XRCC4: variants seen among roughly 807,000 people sequenced by gnomAD.
XRCC4 encodes the protein DNA repair protein XRCC4.
XRCC4 carries 28 observed loss-of-function variants against 39.1 expected under a neutral mutation model. The ratio of observed to expected loss-of-function variants is 0.72; its 90% CI spans 0.53 to 0.98. The LOEUF (loss-of-function observed/expected upper bound fraction) is 0.98. XRCC4 is among the 50% of genes least tolerant of loss of function. XRCC4 has a pLI of 0.00. For missense variants in XRCC4, 350 were observed against 376.4 expected, an observed-to-expected ratio of 0.93 and a Z score of 0.58; for synonymous variants, 123 against 126.4, an observed-to-expected ratio of 0.97 and a Z score of 0.18.
intron 6 of XRCC4, among the ~76,000 whole-genome samples, chr5:83,253,388 AT>A (rs377166052): frequency 7.6e-4 from 111 of 146,618 alleles, no homozygotes; most frequent in Non-Finnish European, 6.2e-4. Context: ...AACAGTACAC[AT>A]TTTTTTTTTT....
rs200981747 is a variant in XRCC4, at chr5:83,082,602, C to T, written c.-11+4987C>T. On this transcript the variant is annotated intron_variant, in intron 1 of 7. Coordinates refer to ENST00000396027, the MANE Select transcript of XRCC4 (RefSeq NM_003401.5). Reference sequence around the variant, plus strand: ...TTGATTCATAGTAGAAGCTAACAGCCTTACGTTGGCCTACAATAGTCTACA... The same window carrying T: ...TTGATTCATAGTAGAAGCTAACAGCTTTACGTTGGCCTACAATAGTCTACA... Among the ~76,000 whole-genome samples the T allele has an allele frequency of 8.4e-3, 1,276 of 152,256 alleles. 23 individuals carry two copies. Among genetic ancestry groups the T allele is most frequent in the African/African-American group, 0.029 (1,223 of 41,552 alleles).
intron 3 of XRCC4, among the ~76,000 whole-genome samples, chr5:83,160,851 A>T (rs10051155): frequency 0.33 from 49,985 of 151,658 alleles, 9,025 homozygotes; most frequent in Non-Finnish European, 0.41. Context: ...CTTAAGGAAG[A>T]GACCAAATTT....
rs988151846 is a variant in XRCC4 at position 83,136,595 on chromosome 5, C to G, written c.315+25392C>G. 4.6e-5 allele frequency among the ~76,000 whole-genome samples: 7 copies of G among 152,124 alleles called. No homozygotes were observed. In the East Asian group the frequency reaches 1.2e-3, roughly 25 times the overall value. ...TTTAAAATTAATTAAAGATAAAACA[C>G]TTAAGGTGAACCTCAGCCTTTTAAA... On this transcript the variant is annotated intron_variant, in intron 3 of 7. Coordinates refer to ENST00000396027, the MANE Select transcript of XRCC4 (RefSeq NM_003401.5).
In XRCC4 at chr5:83,203,817, G is replaced by T. The variant is rs1751311577; in HGVS notation, c.638+110G>T. 4 of 1,338,144 alleles carry T rather than the reference G, an allele frequency of 3.0e-6. No individual in the cohort carries two copies. The Admixed American group carries it at 6.7e-5, about 23-fold the overall frequency. 82.9% of individuals were successfully genotyped at this position (1,338,144 alleles called of 1,614,324 possible). The stretch of plus-strand genomic sequence containing the variant: ...ACTTTTTGATCATATGAGATAATTT[G>T]GTAGTCTGGATGTGGATGTTCAGGC... On this transcript the variant is annotated intron_variant, in intron 5 of 7. Transcript: ENST00000396027.
chr5:83,356,698 GT>G, downstream of XRCC4: 1 of 454,186 alleles, frequency 2.2e-6, no homozygotes, highest in South Asian at 1.6e-5. Flanking sequence ...TCCATACCAC[GT>G]TTTCTCCTCA....
rs1257469066 is a variant in XRCC4 at position 83,196,016 on chromosome 5, A to C, written c.482+80A>C. On this transcript the variant is annotated intron_variant, in intron 4 of 7. Transcript: ENST00000396027. ...ATAGCTTTAAGTTAATGATTGGTAA[A>C]TTTCCAATATATGTGGATTAGCACA... The C allele has an allele frequency of 9.4e-6, 13 of 1,383,248 alleles. No individual in the cohort carries two copies. The East Asian group carries it at 2.3e-4, about 25-fold the overall frequency. 85.7% of individuals were successfully genotyped at this position (1,383,248 alleles called of 1,614,324 possible). A position where few individuals can be genotyped will look rare whatever the true frequency, so the allele number is the denominator to read the frequency against.
chr5:83,148,748 G>T, intron 3 of XRCC4, among the ~76,000 whole-genome samples: 1 of 152,040 alleles, frequency 6.6e-6, no homozygotes, highest in East Asian at 1.9e-4. Flanking sequence ...TTTGTGAGGG[G>T]TGAAGGTATC....
At chr5:83,113,643 C>T (rs1296303522) in intron 3 of XRCC4, among the ~76,000 whole-genome samples, 42 of 149,748 alleles carry the variant, frequency 2.8e-4, no homozygotes, top group African/African-American at 1.7e-4. Flanking sequence ...TTTTTTGAGA[C>T]GGAGTCTCGC....
chr5:83,336,785 G>A (rs115028039), intron 7 of XRCC4, among the ~76,000 whole-genome samples: 2,863 of 152,138 alleles, frequency 0.019, 87 homozygotes, highest in African/African-American at 0.065. Flanking sequence ...GGTTTGAAAC[G>A]CCATTCATTT....
At chr5:83,320,098 A>G (rs1756003964) in intron 7 of XRCC4, among the ~76,000 whole-genome samples, 1 of 146,288 alleles carries the variant, frequency 6.8e-6, no homozygotes, top group Non-Finnish European at 1.5e-5. Context: ...TCAGTAAACT[A>G]TCGCAAGAAC....
At chr5:83,126,268 A>T (rs12188673) in intron 3 of XRCC4, among the ~76,000 whole-genome samples, 52,645 of 151,652 alleles carry the variant, frequency 0.35, 9,818 homozygotes, top group Non-Finnish European at 0.42. Flanking sequence ...TCTTTTTGGC[A>T]CTGTTATAAG....
the XRCC4 span, among the ~76,000 whole-genome samples, chr5:83,365,759 A>G: frequency 6.6e-6 from 1 of 152,232 alleles, no homozygotes. Context: ...AAATATGAGC[A>G]GAGTAAAACT....
intron 3 of XRCC4, among the ~76,000 whole-genome samples, chr5:83,190,583 A>G (rs1750649643): frequency 6.6e-6 from 1 of 152,196 alleles, no homozygotes; most frequent in East Asian, 1.9e-4. Context: ...GTCTACTTTG[A>G]TAATATATTG....
chr5:83,080,475 G>T (rs563839458), intron 1 of XRCC4, among the ~76,000 whole-genome samples: 8 of 151,162 alleles, frequency 5.3e-5, no homozygotes, highest in Non-Finnish European at 1.2e-4. Context: ...GCAGTGAGCC[G>T]AGATTGTGCC....
chr5:83,082,329 A>G (rs147809943), intron 1 of XRCC4, among the ~76,000 whole-genome samples: 4 of 152,342 alleles, frequency 2.6e-5, no homozygotes, highest in African/African-American at 7.2e-5. Flanking sequence ...GAGGTTATTA[A>G]TGGAAAAACT....
intron 6 of XRCC4, among the ~76,000 whole-genome samples, chr5:83,251,522 TCAAAAAAAAAAAA>T (rs1430423520): frequency 9.2e-4 from 65 of 70,580 alleles, no homozygotes; most frequent in African/African-American, 4.0e-3. Flanking sequence ...AGACTCCGTC[TCAAAAAAAAAAAA>T]AAAAAAAAAA....
intron 3 of XRCC4, among the ~76,000 whole-genome samples, chr5:83,117,631 A>ATGTGTGTG (rs70973379): frequency 1.4e-5 from 2 of 145,884 alleles, no homozygotes; most frequent in East Asian, 4.2e-4. Flanking sequence ...CTACATATAT[A>ATGTGTGTG]TGTGTGTGTG....
chr5:83,298,999 T>C (rs1755185682), intron 7 of XRCC4, among the ~76,000 whole-genome samples: 1 of 152,066 alleles, frequency 6.6e-6, no homozygotes, highest in South Asian at 2.1e-4. Flanking sequence ...CTCATTTTAA[T>C]TTATCTGAAA....
At chr5:83,091,131 A>G (rs1227332196) in intron 1 of XRCC4, among the ~76,000 whole-genome samples, 2 of 152,196 alleles carry the variant, frequency 1.3e-5, no homozygotes, top group East Asian at 1.9e-4. Flanking sequence ...CTGAGGCTTT[A>G]TACTCTTTTG....
Sources: gnomAD v4.1 joint callset for allele counts (sites outside exome capture counted in the v4.1 genomes callset) on GRCh38, gnomAD v4.1.1 for gene constraint, MANE v1.5 for transcripts, NCBI Gene and HGNC (gene_info 2026-07-23, HGNC 2026-07-21) for gene names.